LDLRAD4: variants seen among roughly 807,000 people sequenced by gnomAD.
LDLRAD4 encodes the protein low density lipoprotein receptor class A domain containing 4.
Under a neutral mutation model 17.0 loss-of-function variants are expected in LDLRAD4, and 5 were observed. That is an observed-to-expected ratio of 0.29 (90% CI 0.15 to 0.62). The LOEUF (loss-of-function observed/expected upper bound fraction) is 0.62. Among genes scored for constraint, LDLRAD4 ranks in the 20% least tolerant of loss-of-function variants. The pLI, the probability that LDLRAD4 is intolerant of heterozygous loss-of-function variation, is 0.84. For missense variants in LDLRAD4, 340 were observed against 424.7 expected, an observed-to-expected ratio of 0.80 and a Z score of 1.75; for synonymous variants, 168 against 171.8, an observed-to-expected ratio of 0.98 and a Z score of 0.17.
chr18:13,329,786 T>C (rs1366929565), intron 1 of LDLRAD4, among the ~76,000 whole-genome samples: 1 of 152,244 alleles, frequency 6.6e-6, no homozygotes, highest in East Asian at 1.9e-4. Context: ...TGATTTGAAA[T>C]GCTGCCTTTA....
At chr18:13,608,894 C>T (rs1036219616) in intron 3 of LDLRAD4, among the ~76,000 whole-genome samples, 4 of 152,174 alleles carry the variant, frequency 2.6e-5, no homozygotes, top group Admixed American at 1.3e-4. Context: ...GAAGAGATAT[C>T]GTTAGAATCT....
intron 3 of LDLRAD4, among the ~76,000 whole-genome samples, chr18:13,529,391 A>T (rs2094091550): frequency 6.6e-6 from 1 of 152,266 alleles, no homozygotes; most frequent in Non-Finnish European, 1.5e-5. Flanking sequence ...GCTACCTGGA[A>T]CACTGATGCC....
intron 1 of LDLRAD4, among the ~76,000 whole-genome samples, chr18:13,268,223 A>T (rs2044329291): frequency 1.3e-5 from 2 of 151,268 alleles, no homozygotes; most frequent in African/African-American, 4.9e-5. Flanking sequence ...TCTGTCCTGG[A>T]CTCTCTATCC....
chr18:13,335,630 C>T (rs2082068243), intron 1 of LDLRAD4, among the ~76,000 whole-genome samples: 1 of 152,134 alleles, frequency 6.6e-6, no homozygotes, highest in Admixed American at 6.5e-5. Flanking sequence ...TCCTGATTGT[C>T]TCTTGGATTC....
chr18:13,578,855 T>TTTTTTG (rs1400353235), intron 3 of LDLRAD4, among the ~76,000 whole-genome samples: 2 of 140,616 alleles, frequency 1.4e-5, no homozygotes, highest in African/African-American at 5.4e-5. Flanking sequence ...TTTTTTTTTT[T>TTTTTTG]GTCAGAGATC....
At chr18:13,295,344 C>G (rs867837011) in intron 1 of LDLRAD4, among the ~76,000 whole-genome samples, 6 of 152,290 alleles carry the variant, frequency 3.9e-5, no homozygotes, top group Middle Eastern at 3.4e-3. Context: ...AGGGTTTCTT[C>G]TGTAGAAGCA....
chr18:13,497,899 G>A (rs1416358083), intron 3 of LDLRAD4, among the ~76,000 whole-genome samples: 5 of 151,310 alleles, frequency 3.3e-5, no homozygotes, highest in Non-Finnish European at 7.4e-5. Context: ...TGTGGACACT[G>A]GAGAATCCTT....
intron 2 of LDLRAD4, among the ~76,000 whole-genome samples, chr18:13,423,219 G>A (rs565209702): frequency 3.0e-4 from 45 of 152,284 alleles, no homozygotes; most frequent in Middle Eastern, 3.4e-3. Flanking sequence ...TTGGCAGGGC[G>A]TGGTGGCTCA....
intron 3 of LDLRAD4, among the ~76,000 whole-genome samples, chr18:13,484,863 G>T (rs188442596): frequency 1.2e-4 from 18 of 152,238 alleles, no homozygotes; most frequent in Admixed American, 5.9e-4. Context: ...ATACTAGCTT[G>T]CTTAAGCCCA....
chr18:13,591,432 C>CTG (rs58480746), intron 3 of LDLRAD4, among the ~76,000 whole-genome samples: 65,983 of 150,636 alleles, frequency 0.44, 14,346 homozygotes, highest in African/African-American at 0.47. Context: ...GTGTGTGTGT[C>CTG]TGTGTGTGTG....
chr18:13,618,006 G>A (rs1175930621), intron 3 of LDLRAD4, among the ~76,000 whole-genome samples: 2 of 152,172 alleles, frequency 1.3e-5, no homozygotes, highest in African/African-American at 2.4e-5. Flanking sequence ...ACTGACAAAC[G>A]TGTGCCAGCC....
Position 13,645,344 on chromosome 18 carries a change from A to G in LDLRAD4, c.608A>G (p.Glu203Gly). 1 of 1,614,206 alleles carries G rather than the reference A, an allele frequency of 6.2e-7. No individual in the cohort carries two copies. Among genetic ancestry groups the G allele is most frequent in the Non-Finnish European group, 8.5e-7 (1 of 1,180,048 alleles). The change falls in exon 6 of 6, where the codon GAG (glutamate) becomes GGG (glycine). Residue 203 changes from glutamate to glycine, a missense_variant. Transcript: ENST00000359446. The surrounding 1 kb of genome is among the most constrained non-coding windows in gnomAD (Gnocchi z 5.7). ...GAACAGCAGATGGAACTCAACCGAG[A>G]GTCCGTGAGGGCCCCACCCAACCGA...
At chr18:13,301,848 A>G (rs907423776) in intron 1 of LDLRAD4, among the ~76,000 whole-genome samples, 6 of 152,114 alleles carry the variant, frequency 3.9e-5, no homozygotes, top group Admixed American at 1.3e-4. Context: ...GGTGGGCGTC[A>G]TTGGGCAGAC....
chr18:13,227,977 G>A (rs904270635), intron 1 of LDLRAD4, among the ~76,000 whole-genome samples: 4 of 152,226 alleles, frequency 2.6e-5, no homozygotes. Flanking sequence ...GTGCCTAGGT[G>A]CGTGAGCCCA....
intron 3 of LDLRAD4, among the ~76,000 whole-genome samples, chr18:13,482,094 C>A (rs2093102526): frequency 6.6e-6 from 1 of 151,950 alleles, no homozygotes; most frequent in Non-Finnish European, 1.5e-5. Flanking sequence ...CAAGCAGGGA[C>A]AGGAAGGCCA....
At chr18:13,304,352 G>A (rs2046786472) in intron 1 of LDLRAD4, among the ~76,000 whole-genome samples, 1 of 152,244 alleles carries the variant, frequency 6.6e-6, no homozygotes, top group South Asian at 2.1e-4. Context: ...GATTTCCTGA[G>A]CTCACAGTTG....
chr18:13,536,609 C>CTT lies in LDLRAD4; in HGVS notation c.182-84498_182-84497dup, dbSNP rs895484245. On this transcript the variant is annotated intron_variant, in intron 3 of 5. Coordinates refer to ENST00000359446, the Ensembl canonical transcript of LDLRAD4. ...TTCCCAGCCTGTATGCCTTTAATGTCTTTTTTTTTTTACTTTACTGCACTG... is the reference window on the plus strand; with the variant it reads ...TTCCCAGCCTGTATGCCTTTAATGTCTTTTTTTTTTTTTACTTTACTGCACTG... 6.9e-5 allele frequency among the ~76,000 whole-genome samples: 10 copies of CTT among 145,794 alleles called. No homozygotes were observed. The South Asian group carries it at 1.1e-3, about 16-fold the overall frequency.
chr18:13,582,281 G>A (rs1014425248), intron 3 of LDLRAD4, among the ~76,000 whole-genome samples: 2 of 152,236 alleles, frequency 1.3e-5, no homozygotes, highest in Admixed American at 1.3e-4. Flanking sequence ...GGTGACTGGG[G>A]AGTGAAGGAG....
At chr18:13,273,416 T>G (rs2044675955), upstream of LDLRAD4, among the ~76,000 whole-genome samples, 2 of 152,172 alleles carry the variant, frequency 1.3e-5, no homozygotes, top group African/African-American at 2.4e-5. Context: ...TCCTCCCGCC[T>G]CAGCTTCCTG....
Sources: allele counts gnomAD v4.1 joint callset (sites outside exome capture counted in the v4.1 genomes callset), GRCh38; gene constraint gnomAD v4.1.1; non-coding constraint Gnocchi (gnomAD v3.1); transcripts MANE v1.5; gene names NCBI Gene and HGNC (gene_info 2026-07-23, HGNC 2026-07-21).